The following HIKESHI variants were observed in gnomAD, a reference collection of about 807,000 sequenced individuals.
The protein encoded by HIKESHI is protein Hikeshi.
A neutral mutation model predicts 25.7 loss-of-function variants in HIKESHI; 13 were observed. The ratio of observed to expected loss-of-function variants is 0.51; its 90% CI spans 0.33 to 0.80. The LOEUF is 0.80. Among genes scored for constraint, HIKESHI ranks in the 30% least tolerant of loss-of-function variants. The pLI is 0.02. For missense variants in HIKESHI, 174 were observed against 229.5 expected (o/e 0.76, Z 1.56); for synonymous variants, 76 against 78.7 (o/e 0.97, Z 0.18).
intron 2 of HIKESHI, among the ~76,000 whole-genome samples, chr11:86,307,125 A>T (rs169729): frequency 8.7e-6 from 1 of 114,506 alleles, no homozygotes; most frequent in African/African-American, 3.3e-5. Flanking sequence ...TATATTATGT[A>T]TAATATACAT....
chr11:86,306,841 TA>T (rs985694967), intron 2 of HIKESHI, among the ~76,000 whole-genome samples: 1 of 148,880 alleles, frequency 6.7e-6, no homozygotes, highest in Non-Finnish European at 1.5e-5. Context: ...CACTAAAAAA[TA>T]AAAAAAAATT....
chr11:86,328,124 A>C (rs1407213179), intron 2 of HIKESHI, among the ~76,000 whole-genome samples: 1 of 152,358 alleles, frequency 6.6e-6, no homozygotes, highest in South Asian at 2.1e-4. Context: ...AAGGCTCTTG[A>C]AATCTAGAAA....
intron 2 of HIKESHI, among the ~76,000 whole-genome samples, chr11:86,327,072 CAAA>C (rs1211824638): frequency 6.6e-6 from 1 of 151,890 alleles, no homozygotes; most frequent in Non-Finnish European, 1.5e-5. Flanking sequence ...AAAACCAAAC[CAAA>C]ACAAAACAAA....
chr11:86,328,205 G>A (rs1947332490), intron 2 of HIKESHI, among the ~76,000 whole-genome samples: 1 of 152,088 alleles, frequency 6.6e-6, no homozygotes, highest in African/African-American at 2.4e-5. Flanking sequence ...ACTATTCTAA[G>A]TGTAATATTT....
chr11:86,329,721 A>T (rs1947373442), intron 2 of HIKESHI, among the ~76,000 whole-genome samples: 1 of 152,000 alleles, frequency 6.6e-6, no homozygotes, highest in Non-Finnish European at 1.5e-5. Flanking sequence ...GTATAAATTG[A>T]TGAATTGTTT....
At chr11:86,321,977 A>G (rs1565731079) in intron 2 of HIKESHI, among the ~76,000 whole-genome samples, 1 of 151,560 alleles carries the variant, frequency 6.6e-6, no homozygotes, top group Non-Finnish European at 1.5e-5. Flanking sequence ...ATGACCAGTG[A>G]TATTGAGCAG....
chr11:86,306,857 G>A (rs920120250), intron 2 of HIKESHI, among the ~76,000 whole-genome samples: 18 of 151,428 alleles, frequency 1.2e-4, no homozygotes, highest in Middle Eastern at 3.4e-3. Context: ...AAAATTAGCC[G>A]GGCGTGGTGG....
intron 2 of HIKESHI, among the ~76,000 whole-genome samples, chr11:86,310,560 C>T (rs1303946513): frequency 1.3e-5 from 2 of 152,282 alleles, no homozygotes; most frequent in South Asian, 2.1e-4. Context: ...TTATTTCTTT[C>T]TTTTGCCTGA....
At chr11:86,308,913 G>A (rs1419601820) in intron 2 of HIKESHI, among the ~76,000 whole-genome samples, 1 of 151,898 alleles carries the variant, frequency 6.6e-6, no homozygotes, top group South Asian at 2.1e-4. Flanking sequence ...CCTTTTTTAC[G>A]GCTGCATAGT....
At chr11:86,333,621 C>A (rs181582381) in intron 2 of HIKESHI, among the ~76,000 whole-genome samples, 430 of 151,504 alleles carry the variant, frequency 2.8e-3, no homozygotes, top group African/African-American at 1.0e-2. Context: ...GAATTTCTCA[C>A]ATAATATTTT....
chr11:86,314,515 T>G (rs1386031015), intron 2 of HIKESHI, among the ~76,000 whole-genome samples: 1 of 152,134 alleles, frequency 6.6e-6, no homozygotes, highest in African/African-American at 2.4e-5. Context: ...CTCGGGAGAC[T>G]GAGGCATGAG....
intron 2 of HIKESHI, among the ~76,000 whole-genome samples, chr11:86,315,879 A>AT (rs1491270691): frequency 6.6e-6 from 1 of 152,168 alleles, no homozygotes; most frequent in Non-Finnish European, 1.5e-5. Flanking sequence ...AGAAAAAAAC[A>AT]TATAAGACAG....
chr11:86,313,957 G>A (rs573128826), intron 2 of HIKESHI, among the ~76,000 whole-genome samples: 2 of 152,158 alleles, frequency 1.3e-5, no homozygotes, highest in African/African-American at 4.8e-5. Context: ...TGACATCAGG[G>A]TATATGTGAG....
chr11:86,303,200 A>G (rs1004136551), intron 1 of HIKESHI, among the ~76,000 whole-genome samples: 1 of 152,146 alleles, frequency 6.6e-6, no homozygotes, highest in Admixed American at 6.5e-5. Flanking sequence ...TTCCTTAGAA[A>G]CCACACAGAC....
chr11:86,331,745 C>G (rs921801008), intron 2 of HIKESHI, among the ~76,000 whole-genome samples: 1 of 152,016 alleles, frequency 6.6e-6, no homozygotes, highest in African/African-American at 2.4e-5. Context: ...CTTTGAGAGT[C>G]ACATAGCTCT....
intron 2 of HIKESHI, chr11:86,323,969 G>A (rs1275917402): frequency 5.9e-5 from 9 of 152,070 alleles, no homozygotes; most frequent in African/African-American, 2.2e-4. Context: ...TTTATTGTCT[G>A]CTTTTTATTT....
rs1053089418 is a variant in HIKESHI, at chr11:86,319,377, A to G, written c.268+12895A>G. On this transcript the variant is annotated intron_variant, in intron 2 of 4. Transcript: ENST00000278483. The stretch of plus-strand genomic sequence containing the variant: ...CTCAGCCTCCCGAGGAGCTAGGATC[A>G]CAAGCACACATCACCACACCTGGCT... Among the ~76,000 whole-genome samples the G allele has an allele frequency of 1.0e-4, 15 of 150,616 alleles. 1 individual carries two copies. Among genetic ancestry groups the G allele is most frequent in the Admixed American group, 4.6e-4 (7 of 15,088 alleles).
intron 2 of HIKESHI, among the ~76,000 whole-genome samples, chr11:86,324,774 A>G (rs291221): frequency 0.71 from 107,737 of 152,056 alleles, 38,522 homozygotes; most frequent in East Asian, 0.82. Context: ...GAGGCTTGCT[A>G]AAGTAACTTC....
At chr11:86,326,482 G>C (rs1234351329) in intron 2 of HIKESHI, 1 of 455,574 alleles carries the variant, frequency 2.2e-6, no homozygotes, top group Non-Finnish European at 4.4e-6. Context: ...TGTTTATGTA[G>C]TGAAGACTTT....
Sources: allele counts gnomAD v4.1 joint callset (sites outside exome capture counted in the v4.1 genomes callset), GRCh38; gene constraint gnomAD v4.1.1; transcripts MANE v1.5; gene names NCBI Gene and HGNC (gene_info 2026-07-23, HGNC 2026-07-21).